The following PIDD1 variants were observed in gnomAD, a reference collection of about 807,000 sequenced individuals.
The protein encoded by PIDD1 is p53-induced death domain protein 1.
PIDD1 carries 72 observed loss-of-function variants against 80.0 expected under a neutral mutation model. The observed-to-expected ratio is 0.90, with a 90% CI of 0.74 to 1.09. The LOEUF is 1.09. Among genes scored for constraint, PIDD1 ranks in the 50% least tolerant of loss-of-function variants. The pLI is 0.00. For synonymous variants in PIDD1, 655 were observed against 543.5 expected, an observed-to-expected ratio of 1.21 and a Z score of -2.85; for missense variants, 1,329 against 1,228.3, an observed-to-expected ratio of 1.08 and a Z score of -1.23.
chr11:805,337 G>T (rs541393628), upstream of PIDD1: 1,149 of 567,834 alleles, frequency 2.0e-3, 7 homozygotes, highest in South Asian at 7.7e-3. Context: ...GTCCACGGGG[G>T]AGGTCTCCCG....
chr11:809,341 C>T (rs987080887), upstream of PIDD1: 1 of 152,262 alleles, frequency 6.6e-6, no homozygotes, highest in Non-Finnish European at 1.5e-5. Context: ...GACAGGATGC[C>T]CTGACACCGC....
At chr11:807,135 T>A (rs1255357045), upstream of PIDD1, among the ~76,000 whole-genome samples, 1 of 142,982 alleles carries the variant, frequency 7.0e-6, no homozygotes, top group Admixed American at 7.2e-5. Flanking sequence ...GAGGTTGCGG[T>A]GAGCTGAGAT....
Position 804,447 on chromosome 11 carries a change from G to C in PIDD1, c.-59C>G. 2 of 1,517,268 alleles carry C rather than the reference G, an allele frequency of 1.3e-6. No homozygotes were observed. The highest frequency in any genetic ancestry group is 2.6e-5 in the South Asian group (2 of 77,830). The allele number at this position is 1,517,268 out of a possible 1,614,324, so 94.0% of individuals were successfully genotyped here. A position where few individuals can be genotyped will look rare whatever the true frequency, so the allele number is the denominator to read the frequency against. On this transcript the variant is annotated 5_prime_UTR_variant, in exon 2 of 16. Coordinates refer to ENST00000347755, the MANE Select transcript of PIDD1 (RefSeq NM_145886.4). ...CCCAGCACGCAGGCAGGCCTGTCCA[G>C]GCAGCGCCCGGGGAAGCTGCAGAGG... is the stretch of plus-strand genomic sequence containing the variant.
At chr11:805,090 C>A in intron 1 of PIDD1, 89 bp downstream of exon 1, 1 of 503,360 alleles carries the variant, frequency 2.0e-6, no homozygotes, top group Non-Finnish European at 2.6e-6. Flanking sequence ...CTCGGGATCC[C>A]CCGGGCGTCG....
chr11:807,634 G>A (rs1040096842), upstream of PIDD1, among the ~76,000 whole-genome samples: 4 of 151,900 alleles, frequency 2.6e-5, no homozygotes, highest in Non-Finnish European at 5.9e-5. Context: ...AAACTTAGCC[G>A]GGCGCGGTAG....
At chr11:805,307 G>C (rs12283335), upstream of PIDD1, 15 of 753,232 alleles carry the variant, frequency 2.0e-5, no homozygotes, top group Non-Finnish European at 2.4e-5. Context: ...CTCGGGACGC[G>C]CCCCCTCCGC....
rs759469880 is a variant in PIDD1, at chr11:800,138, T to C, written c.2267A>G (p.Lys756Arg). 1 of 1,610,222 alleles carries C rather than the reference T, an allele frequency of 6.2e-7. No individual in the cohort carries two copies. The highest frequency in any genetic ancestry group is 2.2e-5 in the East Asian group (1 of 44,794). ...GCTGTCCCTCAGTCCCACCGGCAGC[T>C]TGATGGGCAGAGTGGCCATCCACAG... ...DALWMATLPI[K>R]LPRLRGSEGP... Residue 756 changes from lysine to arginine, a missense_variant, in exon 14 of 16, where the codon AAG (lysine) becomes AGG (arginine). Physicochemically the swap from Lys to Arg is conservative, Grantham distance 26. Coordinates refer to ENST00000347755, the MANE Select transcript of PIDD1 (RefSeq NM_145886.4).
Position 802,190 on chromosome 11 carries a change from C to T in PIDD1, c.1176+5G>A, listed in dbSNP as rs761628066. On this transcript the variant is annotated splice_donor_5th_base_variant and intron_variant, in intron 6 of 15. Coordinates refer to ENST00000347755, the MANE Select transcript of PIDD1 (RefSeq NM_145886.4). ...CACACTGCCCCCGCCACGCCCTGTCCATGCCTGCTGGAAGGCCACCCCATG... is the reference window on the plus strand; with the variant it reads ...CACACTGCCCCCGCCACGCCCTGTCTATGCCTGCTGGAAGGCCACCCCATG... 9 of 1,599,084 alleles carry T rather than the reference C, an allele frequency of 5.6e-6. No homozygotes were observed. In the East Asian group the frequency reaches 1.8e-4, roughly 32 times the overall value.
chr11:808,531 G>C (rs1235886857), upstream of PIDD1, among the ~76,000 whole-genome samples: 4 of 151,884 alleles, frequency 2.6e-5, no homozygotes, highest in Non-Finnish European at 5.9e-5. Context: ...GTTGGACAAC[G>C]CTGTCTCTAC....
In PIDD1 at chr11:805,217, G is replaced by A. The variant is rs950575728; in HGVS notation, c.-114C>T. The A allele has an allele frequency of 1.0e-6, 1 of 983,436 alleles. No homozygotes were observed. The highest frequency in any genetic ancestry group is 1.2e-6 in the Non-Finnish European group (1 of 828,182). The allele number at this position is 983,436 out of a possible 1,614,324, so 60.9% of individuals were successfully genotyped here. A position where few individuals can be genotyped will look rare whatever the true frequency, so the allele number is the denominator to read the frequency against. On this transcript the variant is annotated 5_prime_UTR_variant, in exon 1 of 16. Transcript: ENST00000347755. ...GGCGCGCAAAGGGTGGCTGCTCAGC[G>A]GGCGCTCGGCGCCTGGGATCCCGCC...
chr11:800,684 C>T lies in PIDD1; in HGVS notation c.1918-18G>A. The T allele has an allele frequency of 6.4e-7, 1 of 1,569,328 alleles. No homozygotes were observed. The highest frequency in any genetic ancestry group is 8.6e-7 in the Non-Finnish European group (1 of 1,163,980). On this transcript the variant is annotated intron_variant, in intron 11 of 15. Coordinates refer to ENST00000347755, the MANE Select transcript of PIDD1 (RefSeq NM_145886.4). Reference sequence around the variant, plus strand: ...GCGTCCACCTGCGGGGAAGCCCGTGCAGCTCAGGACCCAAAGCTCTGCACC... The same window carrying T: ...GCGTCCACCTGCGGGGAAGCCCGTGTAGCTCAGGACCCAAAGCTCTGCACC...
At position 800,924 on chromosome 11, in the gene PIDD1, G is replaced by C. The variant is rs1445006935; in HGVS notation, c.1767-12C>G. ...ACCAGAGCCAGTACCTGGGAGAGCT[G>C]GGGGTGAGGAGGGCTGTACAGACTG... On this transcript the variant is annotated splice_polypyrimidine_tract_variant and intron_variant, in intron 10 of 15. Coordinates refer to ENST00000347755, the MANE Select transcript of PIDD1 (RefSeq NM_145886.4). 2 of 1,594,880 alleles carry C rather than the reference G, an allele frequency of 1.3e-6. No homozygotes were observed. The highest frequency in any genetic ancestry group is 2.7e-5 in the African/African-American group (2 of 74,768).
Position 802,534 on chromosome 11 carries a change from A to ACC in PIDD1, c.974+7_974+8dup, listed in dbSNP as rs908411454. 1.1e-5 allele frequency: 17 copies of ACC among 1,612,394 alleles called. No homozygotes were observed. In the African/African-American group the frequency reaches 2.0e-4, roughly 19 times the overall value. ...GACTCCCCTCCAGCCCCCTCAACCC[A>ACC]CCCCATACCTGTCCAAATCTGAGGT... On this transcript the variant is annotated intron_variant, in intron 5 of 15. Transcript: ENST00000347755.
At chr11:808,759 G>C (rs1865909269), upstream of PIDD1, among the ~76,000 whole-genome samples, 1 of 152,218 alleles carries the variant, frequency 6.6e-6, no homozygotes, top group Admixed American at 6.5e-5. Flanking sequence ...TACCCCAGAT[G>C]TGTGACCCTG....
At position 801,379 on chromosome 11, in the gene PIDD1, G is replaced by T; in HGVS notation, c.1483-14C>A. The T allele has an allele frequency of 1.2e-6, 2 of 1,603,734 alleles. No homozygotes were observed. Among genetic ancestry groups the T allele is most frequent in the South Asian group, 1.1e-5 (1 of 89,956 alleles). On this transcript the variant is annotated splice_polypyrimidine_tract_variant and intron_variant, in intron 8 of 15. Coordinates refer to ENST00000347755, the MANE Select transcript of PIDD1 (RefSeq NM_145886.4). ...CATGCGCACCACCTGGGGCAGACAG[G>T]CCCCCTGAGCACCTGCCTGTGGGCT...
chr11:807,421 G>A (rs1246368404), upstream of PIDD1, among the ~76,000 whole-genome samples: 4 of 151,974 alleles, frequency 2.6e-5, no homozygotes, highest in Non-Finnish European at 4.4e-5. Flanking sequence ...GGAGCTTGCA[G>A]TGAGCTGAGA....
intron 3 of PIDD1, 130 bp from the exon 4 acceptor site, chr11:803,021 C>T (rs1865503832): frequency 1.0e-6 from 1 of 967,160 alleles, no homozygotes; most frequent in Non-Finnish European, 1.5e-6. Context: ...TCTGACAAAG[C>T]CACTGAGGGA....
Position 800,465 on chromosome 11 carries a change from G to A in PIDD1, c.2042-14C>T, listed in dbSNP as rs769755667. The A allele has an allele frequency of 1.9e-6, 3 of 1,610,836 alleles. 1 individual carries two copies. In the South Asian group the frequency reaches 3.3e-5, roughly 18 times the overall value. Reference sequence around the variant, plus strand: ...AGTCAGGGCGGTCTAGGGGACAGGGGTGGGCTGAGCAAGGAGGGCTCGGGG... The same window carrying A: ...AGTCAGGGCGGTCTAGGGGACAGGGATGGGCTGAGCAAGGAGGGCTCGGGG... On this transcript the variant is annotated splice_polypyrimidine_tract_variant and intron_variant, in intron 12 of 15. Coordinates refer to ENST00000347755, the MANE Select transcript of PIDD1 (RefSeq NM_145886.4).
rs1865625514 is a variant in PIDD1, at chr11:804,339, C to T, written c.50G>A (p.Gly17Glu). The T allele has an allele frequency of 6.2e-7, 1 of 1,610,218 alleles. No homozygotes were observed. Among genetic ancestry groups the T allele is most frequent in the Non-Finnish European group, 8.5e-7 (1 of 1,178,264 alleles). ...TGCGTCCGAATCCTCTGAAGCATCT[C>T]CTGCGGCAGCAGCTGCCTCCAGCTC... ...GPELEAAAAA[G>E]DASEDSDAGS... The change falls in exon 2 of 16, where the codon GGA becomes GAA. Residue 17 changes from glycine (G) to glutamate (E), a missense_variant. Gly to Glu is a moderately conservative substitution (Grantham distance 98). Transcript: ENST00000347755.
Sources: gnomAD v4.1 joint callset for allele counts (sites outside exome capture counted in the v4.1 genomes callset) on GRCh38, gnomAD v4.1.1 for gene constraint, MANE v1.5 for transcripts, NCBI Gene and HGNC (gene_info 2026-07-23, HGNC 2026-07-21) for gene names.